The following ZSWIM6 variants were observed in gnomAD, a reference collection of about 807,000 sequenced individuals.
ZSWIM6 encodes zinc finger SWIM-type containing 6, also known as zinc finger SWIM domain-containing protein 6.
Under a neutral mutation model 113.2 loss-of-function variants are expected in ZSWIM6, and 9 were observed. That is an observed-to-expected ratio of 0.08 (90% confidence interval 0.05 to 0.14). The LOEUF is 0.14. Ranked by LOEUF, ZSWIM6 falls within the 10% of genes least tolerant of loss-of-function variation. The pLI is 1.00. For missense variants in ZSWIM6, 1,162 were observed against 1,552.2 expected (o/e 0.75, Z 4.22); for synonymous variants, 611 against 606.5 (o/e 1.01, Z -0.11).
intron 4 of ZSWIM6, among the ~76,000 whole-genome samples, chr5:61,502,052 G>A (rs1020550317): frequency 1.3e-5 from 2 of 152,100 alleles, no homozygotes; most frequent in African/African-American, 2.4e-5. Context: ...GGGGGAGAGC[G>A]AGAGTGAAAA....
intron 1 of ZSWIM6, among the ~76,000 whole-genome samples, chr5:61,338,063 A>G (rs533380913): frequency 2.6e-5 from 4 of 151,806 alleles, no homozygotes; most frequent in Admixed American, 6.6e-5. Flanking sequence ...CTATTTTTCT[A>G]TTTACTTTTG....
chr5:61,480,068 C>T (rs1265628522), intron 2 of ZSWIM6, among the ~76,000 whole-genome samples: 1 of 152,030 alleles, frequency 6.6e-6, no homozygotes, highest in Non-Finnish European at 1.5e-5. Flanking sequence ...TATTTGTGTA[C>T]TGAGTAATCA....
chr5:61,475,840 C>T (rs1747697826), intron 2 of ZSWIM6, among the ~76,000 whole-genome samples: 1 of 152,148 alleles, frequency 6.6e-6, no homozygotes, highest in Non-Finnish European at 1.5e-5. Flanking sequence ...TCCCACCTGC[C>T]TATAAAGATC....
rs1352791329 is a variant in ZSWIM6, at chr5:61,473,094, A to G, written c.1033+57A>G. Reference sequence around the variant, plus strand: ...TCTCTGGATCCTTTTTCACTTATAAATTCAATTCTTCTGCATAAAAGTGAA... The same window carrying G: ...TCTCTGGATCCTTTTTCACTTATAAGTTCAATTCTTCTGCATAAAAGTGAA... On this transcript the variant is annotated intron_variant, in intron 2 of 13. Transcript: ENST00000252744. The G allele has an allele frequency of 9.8e-6, 11 of 1,124,544 alleles. No individual in the cohort carries two copies. The Admixed American group carries it at 3.1e-4, about 32-fold the overall frequency. The allele number at this position is 1,124,544 out of a possible 1,614,324, so 69.7% of individuals were successfully genotyped here.
intron 1 of ZSWIM6, chr5:61,347,863 T>A (rs923728030): frequency 2.6e-5 from 4 of 152,184 alleles, no homozygotes; most frequent in African/African-American, 9.7e-5. Context: ...ACCCTTGGTT[T>A]TAAGACCTGA....
chr5:61,360,461 A>G (rs1745010927), intron 1 of ZSWIM6, among the ~76,000 whole-genome samples: 1 of 152,252 alleles, frequency 6.6e-6, no homozygotes, highest in Non-Finnish European at 1.5e-5. Context: ...TGGAGAAGGT[A>G]AGTAGTTCTC....
chr5:61,435,248 T>C (rs1041650489), intron 1 of ZSWIM6, among the ~76,000 whole-genome samples: 1 of 152,238 alleles, frequency 6.6e-6, no homozygotes, highest in African/African-American at 2.4e-5. Context: ...ATTTAAAATA[T>C]GATATTTGTT....
chr5:61,400,444 G>T (rs1745922381), intron 1 of ZSWIM6, among the ~76,000 whole-genome samples: 1 of 152,156 alleles, frequency 6.6e-6, no homozygotes, highest in East Asian at 1.9e-4. Context: ...GAAGTGAGCA[G>T]CACAAGGCAT....
chr5:61,345,639 G>A (rs1744642542), intron 1 of ZSWIM6, among the ~76,000 whole-genome samples: 2 of 152,172 alleles, frequency 1.3e-5, no homozygotes, highest in Non-Finnish European at 1.5e-5. Context: ...AAATGGAAAC[G>A]CTGATGATTA....
intron 1 of ZSWIM6, chr5:61,391,520 A>C: frequency 8.9e-7 from 1 of 1,128,910 alleles, no homozygotes; most frequent in Non-Finnish European, 1.4e-6. Flanking sequence ...TTTTTATAGA[A>C]ATGTCTCTTG....
At chr5:61,380,193 A>T (rs1223057291) in intron 1 of ZSWIM6, among the ~76,000 whole-genome samples, 1 of 152,046 alleles carries the variant, frequency 6.6e-6, no homozygotes, top group Non-Finnish European at 1.5e-5. Flanking sequence ...CTCTTGCCTC[A>T]GCATCCCGAG....
chr5:61,381,759 T>C (rs1440818779), intron 1 of ZSWIM6, among the ~76,000 whole-genome samples: 1 of 152,220 alleles, frequency 6.6e-6, no homozygotes, highest in Non-Finnish European at 1.5e-5. Flanking sequence ...TTTTTCCCTT[T>C]AGTAATTGAG....
At chr5:61,344,838 A>C (rs1184259438) in intron 1 of ZSWIM6, among the ~76,000 whole-genome samples, 1 of 152,014 alleles carries the variant, frequency 6.6e-6, no homozygotes, top group Admixed American at 6.6e-5. Flanking sequence ...TCAGATATCA[A>C]ACAAAACTAA....
In ZSWIM6 at chr5:61,538,878, G is replaced by T. The variant is rs1749652401; in HGVS notation, c.2446G>T (p.Val816Phe). The T allele has an allele frequency of 1.3e-6, 2 of 1,552,172 alleles. No individual in the cohort carries two copies. The highest frequency in any genetic ancestry group is 3.9e-5 in the Admixed American group (2 of 50,982). The change falls in exon 11 of 14, where the codon GTT (valine) becomes TTT (phenylalanine). Residue 816 changes from valine (V) to phenylalanine (F), a missense_variant. Coordinates refer to ENST00000252744, the MANE Select transcript of ZSWIM6 (RefSeq NM_020928.2). ...CACCCGCCCACACCACATTGCATCAGTTGTTCCCAACCGCTACCCTCGCTG... is the reference window on the plus strand; with the variant it reads ...CACCCGCCCACACCACATTGCATCATTTGTTCCCAACCGCTACCCTCGCTG... Reference protein sequence around the residue: ...DLTRPHHIASVVPNRYPRWFT... With the variant: ...DLTRPHHIASFVPNRYPRWFT...
intron 1 of ZSWIM6, among the ~76,000 whole-genome samples, chr5:61,468,586 C>G (rs561804486): frequency 1.3e-5 from 2 of 152,192 alleles, no homozygotes; most frequent in African/African-American, 4.8e-5. Context: ...AGCTGGTCAT[C>G]ATAGTTTGTC....
chr5:61,518,276 T>G (rs534504740), intron 4 of ZSWIM6, among the ~76,000 whole-genome samples: 3 of 152,096 alleles, frequency 2.0e-5, no homozygotes, highest in Middle Eastern at 3.4e-3. Context: ...TATAGCAGCA[T>G]GATTTATAGT....
In ZSWIM6 at chr5:61,353,378, T is replaced by G. The variant is rs117561986; in HGVS notation, c.676+20430T>G. On this transcript the variant is annotated intron_variant, in intron 1 of 13. Transcript: ENST00000252744. Reference sequence around the variant, plus strand: ...CATTCTAAGGCTGAGGAAACAGATATGTTAAGTCACTTGTCAGGAGCATCT... The same window carrying G: ...CATTCTAAGGCTGAGGAAACAGATAGGTTAAGTCACTTGTCAGGAGCATCT... Among the ~76,000 whole-genome samples the G allele has an allele frequency of 5.1e-4, 77 of 152,342 alleles. No individual in the cohort carries two copies. In the East Asian group the frequency reaches 0.015, roughly 29 times the overall value.
At chr5:61,476,729 C>T (rs1303208657) in intron 2 of ZSWIM6, among the ~76,000 whole-genome samples, 2 of 152,154 alleles carry the variant, frequency 1.3e-5, no homozygotes, top group African/African-American at 2.4e-5. Context: ...ACCCCACCCT[C>T]GTAGTTAATT....
rs1414952422 is a variant in ZSWIM6 at position 61,472,195 on chromosome 5, T to C, written c.677-486T>C. ...ACTCCCTTAGAGTTGCAGTATTGGT[T>C]GGTTGGAGCCAGCTAGTGGCTGCCT... On this transcript the variant is annotated intron_variant, in intron 1 of 13. Transcript: ENST00000252744. This position sits in a 1 kb window ranked among gnomAD's most constrained non-coding sequence, Gnocchi z 4.1. Among the ~76,000 whole-genome samples the C allele has an allele frequency of 6.6e-6, 1 of 152,116 alleles. No individual in the cohort carries two copies. Among genetic ancestry groups the C allele is most frequent in the Non-Finnish European group, 1.5e-5 (1 of 68,022 alleles).
Sources: gnomAD v4.1 joint callset for allele counts (sites outside exome capture counted in the v4.1 genomes callset) on GRCh38, gnomAD v4.1.1 for gene constraint, Gnocchi (gnomAD v3.1) non-coding constraint, MANE v1.5 for transcripts, NCBI Gene and HGNC (gene_info 2026-07-23, HGNC 2026-07-21) for gene names.